Variants in C7orf78 observed in about 807,000 individuals in gnomAD.
C7orf78 encodes putative uncharacterized protein C7orf78.
At chr7:12,537,611 C>T in the C7orf78 span, among the ~76,000 whole-genome samples, 3 of 152,066 alleles carry the variant, frequency 2.0e-5, no homozygotes, top group African/African-American at 7.2e-5. Flanking sequence ...ACACAAAATT[C>T]CATTCTAAAT....
chr7:12,539,158 C>G, the C7orf78 span, among the ~76,000 whole-genome samples: 1 of 152,116 alleles, frequency 6.6e-6, no homozygotes, highest in African/African-American at 2.4e-5. Context: ...GTAGTGATGC[C>G]TCCTTTAAAA....
the C7orf78 span, among the ~76,000 whole-genome samples, chr7:12,489,245 T>C: frequency 1.3e-5 from 2 of 149,904 alleles, no homozygotes; most frequent in African/African-American, 4.9e-5. Context: ...TTATTAATAA[T>C]TTGGCATGTA....
chr7:12,496,247 C>A, the C7orf78 span, among the ~76,000 whole-genome samples: 1 of 152,166 alleles, frequency 6.6e-6, no homozygotes. Flanking sequence ...ATTTCTAACT[C>A]TAAATTTCTA....
the C7orf78 span, among the ~76,000 whole-genome samples, chr7:12,513,634 A>T: frequency 6.6e-6 from 1 of 152,156 alleles, no homozygotes; most frequent in Non-Finnish European, 1.5e-5. Context: ...TCAGTTTTAA[A>T]ATTTGTTATG....
the C7orf78 span, among the ~76,000 whole-genome samples, chr7:12,511,792 C>T: frequency 1.1e-4 from 17 of 151,928 alleles, no homozygotes; most frequent in Non-Finnish European, 2.2e-4. Context: ...TGCTCTGTCG[C>T]CCAGGCTGGA....
At chr7:12,486,275 C>T in the C7orf78 span, among the ~76,000 whole-genome samples, 5 of 152,028 alleles carry the variant, frequency 3.3e-5, no homozygotes, top group South Asian at 1.0e-3. Context: ...TTGTATGAGT[C>T]CTAGAAGTTA....
chr7:12,517,866 C>A, the C7orf78 span, among the ~76,000 whole-genome samples: 2 of 152,058 alleles, frequency 1.3e-5, no homozygotes, highest in Non-Finnish European at 2.9e-5. Context: ...ATTTTGAATT[C>A]TTTTTCTGGG....
chr7:12,500,353 A>G, the C7orf78 span, among the ~76,000 whole-genome samples: 1 of 151,412 alleles, frequency 6.6e-6, no homozygotes, highest in African/African-American at 2.4e-5. Context: ...AAAGAAAAAA[A>G]GAGAGAAGAA....
At chr7:12,530,539 A>G in the C7orf78 span, 1 of 152,128 alleles carries the variant, frequency 6.6e-6, no homozygotes, top group Non-Finnish European at 1.5e-5. Context: ...AGGAGGGTAT[A>G]ATGATCCATG....
the C7orf78 span, among the ~76,000 whole-genome samples, chr7:12,532,720 T>G: frequency 1.3e-5 from 2 of 152,166 alleles, no homozygotes; most frequent in Non-Finnish European, 2.9e-5. Context: ...ATTTTATGAA[T>G]AACAATTCAA....
At chr7:12,503,424 A>G in the C7orf78 span, among the ~76,000 whole-genome samples, 1 of 152,042 alleles carries the variant, frequency 6.6e-6, no homozygotes, top group East Asian at 1.9e-4. Context: ...ACATTCTGAT[A>G]TAATTACTGA....
chr7:12,527,634 TG>T, the C7orf78 span, among the ~76,000 whole-genome samples: 48 of 134,568 alleles, frequency 3.6e-4, no homozygotes, highest in African/African-American at 1.3e-3. Context: ...GCTGTGTAAT[TG>T]AAATGGAACA....
At chr7:12,508,329 G>A in the C7orf78 span, among the ~76,000 whole-genome samples, 1 of 151,962 alleles carries the variant, frequency 6.6e-6, no homozygotes, top group South Asian at 2.1e-4. Context: ...TTTGAGAAAT[G>A]GCTCAAGTTT....
the C7orf78 span, among the ~76,000 whole-genome samples, chr7:12,496,894 G>A: frequency 6.6e-6 from 1 of 152,012 alleles, no homozygotes; most frequent in Admixed American, 6.5e-5. Context: ...GTTTTCATTA[G>A]AAATAAAAAC....
At chr7:12,511,898 C>A in the C7orf78 span, among the ~76,000 whole-genome samples, 1 of 149,626 alleles carries the variant, frequency 6.7e-6, no homozygotes, top group Non-Finnish European at 1.5e-5. Context: ...ACTACAGGCG[C>A]CCACCACCAC....
At chr7:12,497,625 A>G in the C7orf78 span, among the ~76,000 whole-genome samples, 9 of 152,256 alleles carry the variant, frequency 5.9e-5, no homozygotes, top group African/African-American at 2.2e-4. Context: ...GCAGTCTGAG[A>G]TCAAACTGCA....
At chr7:12,505,779 A>G in the C7orf78 span, among the ~76,000 whole-genome samples, 25 of 152,132 alleles carry the variant, frequency 1.6e-4, no homozygotes, top group African/African-American at 5.3e-4. Flanking sequence ...ATGGTGCACT[A>G]TTTCATTATT....
chr7:12,529,465 A>T, the C7orf78 span, among the ~76,000 whole-genome samples: 1 of 152,228 alleles, frequency 6.6e-6, no homozygotes, highest in South Asian at 2.1e-4. Flanking sequence ...TGATGAAAGA[A>T]GCCAAACTCT....
chr7:12,486,796 A>C, the C7orf78 span, among the ~76,000 whole-genome samples: 1 of 152,088 alleles, frequency 6.6e-6, no homozygotes, highest in East Asian at 1.9e-4. Flanking sequence ...TTTTGTGGTA[A>C]GAATTAAAAG....
Sources: allele counts gnomAD v4.1 joint callset (sites outside exome capture counted in the v4.1 genomes callset), GRCh38; gene constraint gnomAD v4.1.1; transcripts MANE v1.5; gene names NCBI Gene and HGNC (gene_info 2026-07-23, HGNC 2026-07-21).